EMCN: variants seen among roughly 807,000 people sequenced by gnomAD.
EMCN encodes endomucin, also known as MUC-14.
EMCN carries 37 observed loss-of-function variants against 38.4 expected under a neutral mutation model. The observed-to-expected ratio is 0.96, with a 90% confidence interval of 0.74 to 1.27. The LOEUF (loss-of-function observed/expected upper bound fraction) is 1.27. Among genes scored for constraint, EMCN ranks in the 50% most tolerant of loss-of-function variants. The pLI is 0.00. For missense variants in EMCN, 318 were observed against 302.8 expected (o/e 1.05, Z -0.37); for synonymous variants, 95 against 100.8 (o/e 0.94, Z 0.35).
At chr4:100,437,628 C>A (rs899478130) in intron 5 of EMCN, among the ~76,000 whole-genome samples, 2 of 152,092 alleles carry the variant, frequency 1.3e-5, no homozygotes. Flanking sequence ...GTGTAGAAAT[C>A]CAGTTTTTGC....
intron 1 of EMCN, among the ~76,000 whole-genome samples, chr4:100,500,535 C>A (rs1012064302): frequency 2.6e-5 from 4 of 152,098 alleles, no homozygotes; most frequent in Admixed American, 2.6e-4. Flanking sequence ...CTAGAGGTAA[C>A]TGCTAATCTG....
At chr4:100,514,979 G>A (rs560711074) in intron 1 of EMCN, among the ~76,000 whole-genome samples, 33 of 151,960 alleles carry the variant, frequency 2.2e-4, no homozygotes, top group Non-Finnish European at 4.6e-4. Flanking sequence ...ATAAACTTAC[G>A]ATATTTAGCA....
intron 4 of EMCN, among the ~76,000 whole-genome samples, chr4:100,461,878 A>G (rs1480162282): frequency 1.3e-5 from 2 of 152,206 alleles, no homozygotes; most frequent in Non-Finnish European, 2.9e-5. Context: ...CAGCTGTTCA[A>G]CATTTAACCA....
intron 5 of EMCN, among the ~76,000 whole-genome samples, chr4:100,427,663 A>G (rs1727087945): frequency 6.6e-6 from 1 of 151,856 alleles, no homozygotes; most frequent in Admixed American, 6.6e-5. Context: ...AATGACCCTC[A>G]TTTATTTGGA....
At position 100,505,197 on chromosome 4, in the gene EMCN, G is replaced by A. The variant is rs149733360; in HGVS notation, c.64+12654C>T. Among the ~76,000 whole-genome samples the A allele has an allele frequency of 1.8e-3, 268 of 152,152 alleles. 2 individuals carry two copies. The East Asian group carries it at 0.03, about 17-fold the overall frequency. ...TAAATATCAGTGCAGCCTGGCATTC[G>A]GGGCCACTACTGGTCTCCGCGTCTT... On this transcript the variant is annotated intron_variant, in intron 1 of 11. Coordinates refer to ENST00000296420, the MANE Select transcript of EMCN (RefSeq NM_016242.4).
At chr4:100,425,765 A>G (rs1560609823) in intron 5 of EMCN, among the ~76,000 whole-genome samples, 2 of 152,120 alleles carry the variant, frequency 1.3e-5, no homozygotes, top group Non-Finnish European at 2.9e-5. Flanking sequence ...TTTCTCAAAA[A>G]TTCTAAGAAT....
At chr4:100,468,064 G>A (rs933410487) in intron 3 of EMCN, among the ~76,000 whole-genome samples, 5 of 152,230 alleles carry the variant, frequency 3.3e-5, no homozygotes, top group African/African-American at 4.8e-5. Flanking sequence ...TGTTTAAATC[G>A]TAGCTTTTGG....
chr4:100,453,880 G>A (rs1460753863), intron 4 of EMCN, among the ~76,000 whole-genome samples: 1 of 152,094 alleles, frequency 6.6e-6, no homozygotes, highest in Non-Finnish European at 1.5e-5. Flanking sequence ...TAGGGACATG[G>A]TTGAAGCTGG....
intron 5 of EMCN, among the ~76,000 whole-genome samples, chr4:100,437,617 C>T (rs1172859399): frequency 6.6e-6 from 1 of 152,032 alleles, no homozygotes; most frequent in East Asian, 1.9e-4. Context: ...CATTCTTTTA[C>T]GTGTAGAAAT....
At chr4:100,405,154 C>T (rs1726359759) in intron 11 of EMCN, among the ~76,000 whole-genome samples, 1 of 152,016 alleles carries the variant, frequency 6.6e-6, no homozygotes, top group Admixed American at 6.6e-5. Context: ...AACATATAAT[C>T]TATGAAGACA....
intron 1 of EMCN, among the ~76,000 whole-genome samples, chr4:100,505,969 A>G (rs1288531900): frequency 2.0e-5 from 3 of 152,336 alleles, no homozygotes; most frequent in Non-Finnish European, 4.4e-5. Flanking sequence ...AAAAAGCCAT[A>G]GGTTTCCAAT....
intron 5 of EMCN, among the ~76,000 whole-genome samples, chr4:100,443,274 T>C (rs1477754068): frequency 5.3e-5 from 8 of 152,250 alleles, no homozygotes; most frequent in Non-Finnish European, 8.8e-5. Context: ...CTTGTGTCCC[T>C]GCATTGATGT....
At chr4:100,446,078 T>C (rs1727663327) in intron 5 of EMCN, 1 of 985,356 alleles carries the variant, frequency 1.0e-6, no homozygotes. Context: ...TAAAGAGAAC[T>C]GACAATTTGG....
At chr4:100,500,208 C>T (rs1729313354) in intron 1 of EMCN, among the ~76,000 whole-genome samples, 1 of 152,118 alleles carries the variant, frequency 6.6e-6, no homozygotes, top group Non-Finnish European at 1.5e-5. Context: ...TACATTCAGT[C>T]TCTTTTAAGT....
intron 1 of EMCN, among the ~76,000 whole-genome samples, chr4:100,509,135 C>A (rs921244549): frequency 2.0e-5 from 3 of 152,162 alleles, no homozygotes; most frequent in African/African-American, 7.2e-5. Flanking sequence ...GAAACACACA[C>A]AAAAATAGTC....
chr4:100,479,837 AT>A, intron 2 of EMCN, 79 bp downstream of exon 2: 1 of 1,188,238 alleles, frequency 8.4e-7, no homozygotes. Flanking sequence ...ATCCCGAATT[AT>A]TTTTTCATAC....
At chr4:100,509,792 A>G (rs1446869161) in intron 1 of EMCN, among the ~76,000 whole-genome samples, 1 of 152,176 alleles carries the variant, frequency 6.6e-6, no homozygotes. Flanking sequence ...CTAAAATAGA[A>G]ATGATACAAT....
At chr4:100,488,741 C>T (rs1471392752) in intron 1 of EMCN, among the ~76,000 whole-genome samples, 12 of 152,090 alleles carry the variant, frequency 7.9e-5, no homozygotes, top group Non-Finnish European at 1.3e-4. Flanking sequence ...AGATGTCTTG[C>T]TTTTCATATT....
At chr4:100,436,798 C>T (rs12512412) in intron 5 of EMCN, among the ~76,000 whole-genome samples, 1,715 of 152,152 alleles carry the variant, frequency 0.011, 65 homozygotes, top group Admixed American at 0.075. Flanking sequence ...ACTTACAAGT[C>T]GGAGCTGAGC....
Sources: gnomAD v4.1 joint callset for allele counts (sites outside exome capture counted in the v4.1 genomes callset) on GRCh38, gnomAD v4.1.1 for gene constraint, MANE v1.5 for transcripts, NCBI Gene and HGNC (gene_info 2026-07-23, HGNC 2026-07-21) for gene names.